RGS18: variants seen among roughly 807,000 people sequenced by gnomAD.
The protein encoded by RGS18 is regulator of G protein signaling 18, also known as regulator of G-protein signaling 18.
In RGS18, 22 loss-of-function variants were observed where a neutral mutation model predicts 27.6. That is an observed-to-expected ratio of 0.80 (90% CI 0.57 to 1.14). The LOEUF (loss-of-function observed/expected upper bound fraction) is 1.14. Ranked by LOEUF, RGS18 falls within the 50% of genes most tolerant of loss-of-function variation. RGS18 has a pLI of 0.00. For missense variants in RGS18, 299 were observed against 269.6 expected (o/e 1.11, Z -0.76); for synonymous variants, 89 against 84.6 (o/e 1.05, Z -0.29).
chr1:192,160,475 A>C (rs1656050925), intron 3 of RGS18, 36 bp downstream of exon 3: 1 of 1,470,126 alleles, frequency 6.8e-7, no homozygotes, highest in South Asian at 1.2e-5. Context: ...TTGTGTGCTT[A>C]ATGGAAAATT....
In RGS18 at chr1:192,158,594, G is replaced by A. The variant is rs771784019; in HGVS notation, c.-44G>A. ...GGAATAGTATTAATAAATGAACTAG[G>A]GAAGGATGTAATAAATTAGACATCT... is the stretch of plus-strand genomic sequence containing the variant. On this transcript the variant is annotated 5_prime_UTR_variant, in exon 1 of 5. Coordinates refer to ENST00000367460, the MANE Select transcript of RGS18 (RefSeq NM_130782.3). 13 of 1,473,882 alleles carry A rather than the reference G, an allele frequency of 8.8e-6. No individual in the cohort carries two copies. Among genetic ancestry groups the A allele is most frequent in the Non-Finnish European group, 1.2e-5 (13 of 1,101,882 alleles). The allele number at this position is 1,473,882 out of a possible 1,614,324, so 91.3% of individuals were successfully genotyped here. A position where few individuals can be genotyped will look rare whatever the true frequency, so the allele number is the denominator to read the frequency against.
chr1:192,158,625 T>C lies in RGS18; in HGVS notation c.-13T>C. ...ATGTAATAAATTAGACATCTCTTCA[T>C]TTTAGAGAGAAGATGGAAACAACAT... is the stretch of plus-strand genomic sequence containing the variant. On this transcript the variant is annotated 5_prime_UTR_variant, in exon 1 of 5. Transcript: ENST00000367460. The C allele has an allele frequency of 6.5e-7, 1 of 1,539,164 alleles. No homozygotes were observed. The highest frequency in any genetic ancestry group is 1.4e-5 in the African/African-American group (1 of 70,914).
At chr1:192,173,673 T>C (rs1656309204) in intron 3 of RGS18, among the ~76,000 whole-genome samples, 1 of 151,862 alleles carries the variant, frequency 6.6e-6, no homozygotes, top group Non-Finnish European at 1.5e-5. Flanking sequence ...TGGGTATAGG[T>C]TTATTGTTTT....
intron 3 of RGS18, 144 bp from the exon 4 acceptor site, chr1:192,181,148 T>C: frequency 2.2e-6 from 1 of 464,684 alleles, no homozygotes; most frequent in Non-Finnish European, 3.8e-6. Flanking sequence ...CTCAGGTATA[T>C]TGTGCAAGAT....
At chr1:192,166,952 A>T (rs1329737987) in intron 3 of RGS18, among the ~76,000 whole-genome samples, 2 of 152,136 alleles carry the variant, frequency 1.3e-5, no homozygotes, top group Non-Finnish European at 2.9e-5. Flanking sequence ...TCATGAGGGG[A>T]ATTTCTATCA....
At chr1:192,164,489 G>C (rs747302339) in intron 3 of RGS18, among the ~76,000 whole-genome samples, 1 of 151,712 alleles carries the variant, frequency 6.6e-6, no homozygotes, top group Non-Finnish European at 1.5e-5. Context: ...TAGTCACACA[G>C]TTTAACTTTT....
chr1:192,184,609 A>AAACATGCGATATGT lies in RGS18; in HGVS notation c.*55_*56insAACATGCGATATGT. The AAACATGCGATATGT allele has an allele frequency of 1.3e-6, 2 of 1,497,196 alleles. No homozygotes were observed. Among genetic ancestry groups the AAACATGCGATATGT allele is most frequent in the Non-Finnish European group, 1.8e-6 (2 of 1,086,282 alleles). 92.7% of individuals were successfully genotyped at this position (1,497,196 alleles called of 1,614,324 possible). On this transcript the variant is annotated 3_prime_UTR_variant, in exon 5 of 5. Coordinates refer to ENST00000367460, the MANE Select transcript of RGS18 (RefSeq NM_130782.3). ...AAACTTATACATCTGCTTCTAACAT[A>AAACATGCGATATGT]TCGCATGTTTATGTTAAGATTTGGT...
At chr1:192,176,372 G>T (rs538875387) in intron 3 of RGS18, among the ~76,000 whole-genome samples, 2 of 151,802 alleles carry the variant, frequency 1.3e-5, no homozygotes, top group African/African-American at 4.8e-5. Context: ...ACTATGGTTA[G>T]CCTCCATCTT....
At chr1:192,178,516 G>A (rs1419140638) in intron 3 of RGS18, among the ~76,000 whole-genome samples, 1 of 151,554 alleles carries the variant, frequency 6.6e-6, no homozygotes, top group Non-Finnish European at 1.5e-5. Context: ...GAGTTTAGCT[G>A]CCATTGAGGA....
chr1:192,159,786 C>G (rs1656038249), intron 2 of RGS18, among the ~76,000 whole-genome samples: 1 of 151,988 alleles, frequency 6.6e-6, no homozygotes, highest in Non-Finnish European at 1.5e-5. Flanking sequence ...TAGTTTCATA[C>G]AAATTCTTCC....
chr1:192,171,057 T>C (rs1656247113), intron 3 of RGS18, among the ~76,000 whole-genome samples: 1 of 152,158 alleles, frequency 6.6e-6, no homozygotes. Flanking sequence ...TGATGCCCTG[T>C]TGTTCACTTT....
At chr1:192,158,779 C>T in intron 1 of RGS18, 23 bp downstream of exon 1, 2 of 1,436,780 alleles carry the variant, frequency 1.4e-6, no homozygotes, top group Non-Finnish European at 1.9e-6. Context: ...AATTTTAAGT[C>T]AGCCTTATAC....
Position 192,172,884 on chromosome 1 carries a change from A to ATATATAAAT in RGS18, c.284-8408_284-8407insTATATAAAT, listed in dbSNP as rs758940898. ...ATATGCATATATATATATATATATA[A>ATATATAAAT]ATATATATATATACACATATGTATA... is the stretch of plus-strand genomic sequence containing the variant. On this transcript the variant is annotated intron_variant, in intron 3 of 4. Coordinates refer to ENST00000367460, the MANE Select transcript of RGS18 (RefSeq NM_130782.3). Among the ~76,000 whole-genome samples the ATATATAAAT allele has an allele frequency of 7.9e-3, 765 of 97,430 alleles. 6 individuals carry two copies. The highest frequency in any genetic ancestry group is 0.013 in the Non-Finnish European group (579 of 43,054). The allele number at this position is 97,430 out of a possible 152,430, so 63.9% of individuals were successfully genotyped here.
chr1:192,181,814 T>G (rs990186888), intron 4 of RGS18, among the ~76,000 whole-genome samples: 4 of 151,752 alleles, frequency 2.6e-5, no homozygotes, highest in African/African-American at 9.6e-5. Flanking sequence ...TATCTATCTC[T>G]GTACCTGTTG....
intron 3 of RGS18, among the ~76,000 whole-genome samples, chr1:192,177,137 G>A (rs1656372071): frequency 6.6e-6 from 1 of 151,718 alleles, no homozygotes; most frequent in Non-Finnish European, 1.5e-5. Flanking sequence ...TGCTTGCCAA[G>A]CATGAAACTA....
chr1:192,161,253 T>C lies in RGS18; in HGVS notation c.283+814T>C, dbSNP rs571887507. 2.5e-3 allele frequency among the ~76,000 whole-genome samples: 385 copies of C among 152,210 alleles called. 4 individuals are homozygous for C. The highest frequency in any genetic ancestry group is 0.019 in the South Asian group (92 of 4,826). On this transcript the variant is annotated intron_variant, in intron 3 of 4. Coordinates refer to ENST00000367460, the MANE Select transcript of RGS18 (RefSeq NM_130782.3). ...TTTTGTAGAAATGTTGAGAATCGAG[T>C]ATGTATTTAAGGTGGAGCTTTGTCT... is the stretch of plus-strand genomic sequence containing the variant.
At chr1:192,179,716 T>A (rs1419770910) in intron 3 of RGS18, among the ~76,000 whole-genome samples, 1 of 151,528 alleles carries the variant, frequency 6.6e-6, no homozygotes, top group Non-Finnish European at 1.5e-5. Flanking sequence ...AAACAACATA[T>A]ACTACATGAT....
chr1:192,160,884 G>A lies in RGS18; in HGVS notation c.283+445G>A, dbSNP rs538348546. On this transcript the variant is annotated intron_variant, in intron 3 of 4. Coordinates refer to ENST00000367460, the MANE Select transcript of RGS18 (RefSeq NM_130782.3). The stretch of plus-strand genomic sequence containing the variant: ...GTTTTTTGTTTTGAGACGGAGTCTC[G>A]CTTTGTCGCCCAGGCTGGAGTGCAG... Among the ~76,000 whole-genome samples, 24 of 152,200 alleles carry A rather than the reference G, an allele frequency of 1.6e-4. No individual in the cohort carries two copies. In the South Asian group the frequency reaches 4.6e-3, roughly 29 times the overall value.
At chr1:192,175,503 T>C (rs1004060579) in intron 3 of RGS18, among the ~76,000 whole-genome samples, 2 of 151,902 alleles carry the variant, frequency 1.3e-5, no homozygotes, top group African/African-American at 2.4e-5. Flanking sequence ...TGTCTTAGTA[T>C]GAGGACAAGA....
Sources: gnomAD v4.1 joint callset for allele counts (sites outside exome capture counted in the v4.1 genomes callset) on GRCh38, gnomAD v4.1.1 for gene constraint, MANE v1.5 for transcripts, NCBI Gene and HGNC (gene_info 2026-07-23, HGNC 2026-07-21) for gene names.